The following ZNF804A variants were observed in gnomAD, a reference collection of about 807,000 sequenced individuals.
ZNF804A encodes the protein zinc finger protein 804A.
ZNF804A carries 2 observed loss-of-function variants against 16.5 expected under a neutral mutation model. The ratio of observed to expected loss-of-function variants is 0.12; its 90% CI spans 0.05 to 0.38. The LOEUF is 0.38. ZNF804A is among the 10% of genes least tolerant of loss of function. The pLI is 0.99. For missense variants in ZNF804A, 1,473 were observed against 1,390.7 expected (o/e 1.06, Z -0.94); for synonymous variants, 534 against 489.6 (o/e 1.09, Z -1.20).
chr2:184,636,332 G>GAC (rs1691695517), intron 1 of ZNF804A, among the ~76,000 whole-genome samples: 1 of 150,558 alleles, frequency 6.6e-6, no homozygotes, highest in African/African-American at 2.4e-5. Context: ...GAGAGAGAGA[G>GAC]AGAGAAAGAG....
chr2:184,855,607 TATATATATAC>T (rs1695674259), intron 1 of ZNF804A, among the ~76,000 whole-genome samples: 1 of 133,330 alleles, frequency 7.5e-6, no homozygotes, highest in South Asian at 2.3e-4. Flanking sequence ...TACACATATA[TATATATATAC>T]ACACACACAC....
At chr2:184,872,272 CT>C (rs1003332109) in intron 2 of ZNF804A, among the ~76,000 whole-genome samples, 14 of 152,032 alleles carry the variant, frequency 9.2e-5, no homozygotes, top group Admixed American at 2.6e-4. Context: ...CAAACACATT[CT>C]TTTTAGGATT....
chr2:184,607,459 C>G (rs1004463991), intron 1 of ZNF804A, among the ~76,000 whole-genome samples: 1 of 152,092 alleles, frequency 6.6e-6, no homozygotes, highest in Admixed American at 6.5e-5. Context: ...AGTGAAGGCC[C>G]TTATAAAAGG....
chr2:184,604,841 A>C (rs193253398), intron 1 of ZNF804A, among the ~76,000 whole-genome samples: 1 of 152,216 alleles, frequency 6.6e-6, no homozygotes, highest in East Asian at 1.9e-4. Flanking sequence ...CTTGAACTGA[A>C]TTAACAGTAT....
chr2:184,711,550 C>T (rs1047541037), intron 1 of ZNF804A, among the ~76,000 whole-genome samples: 1 of 151,628 alleles, frequency 6.6e-6, no homozygotes, highest in African/African-American at 2.4e-5. Context: ...GTTGCTTGCA[C>T]TTTTTATGCA....
At chr2:184,613,855 C>T (rs1037195730) in intron 1 of ZNF804A, among the ~76,000 whole-genome samples, 1 of 152,120 alleles carries the variant, frequency 6.6e-6, no homozygotes, top group African/African-American at 2.4e-5. Flanking sequence ...AACGGCCATA[C>T]TGCCCAAAGT....
chr2:184,717,600 A>G (rs1693234288), intron 1 of ZNF804A, among the ~76,000 whole-genome samples: 1 of 152,232 alleles, frequency 6.6e-6, no homozygotes, highest in Admixed American at 6.5e-5. Context: ...ACTGTGGAAA[A>G]GGGTTATTGC....
intron 1 of ZNF804A, among the ~76,000 whole-genome samples, chr2:184,824,436 T>G (rs1695129084): frequency 6.6e-6 from 1 of 152,012 alleles, no homozygotes; most frequent in South Asian, 2.1e-4. Context: ...CATCTTTATA[T>G]GTGAAGAAAA....
At chr2:184,633,696 A>C (rs1005165517) in intron 1 of ZNF804A, among the ~76,000 whole-genome samples, 2 of 152,200 alleles carry the variant, frequency 1.3e-5, no homozygotes, top group African/African-American at 4.8e-5. Context: ...ATAGAATCAA[A>C]TCTATACATT....
intron 2 of ZNF804A, among the ~76,000 whole-genome samples, chr2:184,880,875 AT>A (rs1404445499): frequency 1.3e-5 from 2 of 152,106 alleles, no homozygotes. Flanking sequence ...TGGCCTTATC[AT>A]CTCTTAAAGG....
At chr2:184,621,645 G>C (rs1161902622) in intron 1 of ZNF804A, among the ~76,000 whole-genome samples, 1 of 151,588 alleles carries the variant, frequency 6.6e-6, no homozygotes, top group Non-Finnish European at 1.5e-5. Flanking sequence ...GTACTGTTTA[G>C]TGCAGTGGTC....
In ZNF804A at chr2:184,925,735, T is replaced by C. The variant is rs542777423; in HGVS notation, c.256-7868T>C. On this transcript the variant is annotated intron_variant, in intron 2 of 3. Coordinates refer to ENST00000302277, the MANE Select transcript of ZNF804A (RefSeq NM_194250.2). ...TGTATATTTTTAAATTTGAGGTTAG[T>C]ATAAGGCTTGCAAATAGTCTCTTAT... Among the ~76,000 whole-genome samples the C allele has an allele frequency of 3.9e-5, 6 of 152,036 alleles. No homozygotes were observed. In the South Asian group the frequency reaches 8.3e-4, roughly 21 times the overall value.
chr2:184,759,157 G>T (rs552106862), intron 1 of ZNF804A, among the ~76,000 whole-genome samples: 2 of 150,534 alleles, frequency 1.3e-5, no homozygotes, highest in Non-Finnish European at 3.0e-5. Flanking sequence ...ATATATGGAG[G>T]TATTGTTATT....
intron 1 of ZNF804A, among the ~76,000 whole-genome samples, chr2:184,739,486 T>C (rs1262946744): frequency 1.3e-5 from 2 of 152,114 alleles, no homozygotes; most frequent in African/African-American, 4.8e-5. Context: ...CTCTGCATCC[T>C]GGGTTCAAGC....
intron 1 of ZNF804A, among the ~76,000 whole-genome samples, chr2:184,755,787 A>G (rs1291981358): frequency 6.6e-6 from 1 of 151,980 alleles, no homozygotes; most frequent in African/African-American, 2.4e-5. Flanking sequence ...CTCTCTTCAA[A>G]TGCATCCCTG....
At chr2:184,612,424 T>G (rs1248181166) in intron 1 of ZNF804A, among the ~76,000 whole-genome samples, 4 of 151,286 alleles carry the variant, frequency 2.6e-5, no homozygotes, top group African/African-American at 7.3e-5. Context: ...TGGTTCAACA[T>G]GAAAGATGTA....
intron 1 of ZNF804A, among the ~76,000 whole-genome samples, chr2:184,854,450 G>C (rs1350205120): frequency 6.6e-6 from 1 of 151,934 alleles, no homozygotes; most frequent in Non-Finnish European, 1.5e-5. Flanking sequence ...CCTCATACAG[G>C]GTAAAGTTCG....
intron 1 of ZNF804A, among the ~76,000 whole-genome samples, chr2:184,723,602 T>C (rs1193723547): frequency 6.6e-6 from 1 of 151,802 alleles, no homozygotes; most frequent in Admixed American, 6.6e-5. Context: ...TCATCCGAAG[T>C]TGTAAAAACA....
intron 1 of ZNF804A, among the ~76,000 whole-genome samples, chr2:184,855,766 G>A (rs980762104): frequency 2.6e-5 from 4 of 151,970 alleles, no homozygotes; most frequent in Non-Finnish European, 4.4e-5. Flanking sequence ...TTGGAACACA[G>A]TAACTAAAGA....
Sources: allele counts gnomAD v4.1 joint callset (sites outside exome capture counted in the v4.1 genomes callset), GRCh38; gene constraint gnomAD v4.1.1; transcripts MANE v1.5; gene names NCBI Gene and HGNC (gene_info 2026-07-23, HGNC 2026-07-21).